The following COL25A1 variants were observed in gnomAD, a reference collection of about 807,000 sequenced individuals.
The protein encoded by COL25A1 is collagen type XXV alpha 1 chain.
A neutral mutation model predicts 128.4 loss-of-function variants in COL25A1; 103 were observed. That is an observed-to-expected ratio of 0.80 (90% CI 0.68 to 0.94). COL25A1 has a LOEUF of 0.94. Among genes scored for constraint, COL25A1 ranks in the 40% least tolerant of loss-of-function variants. The probability of loss-of-function intolerance (pLI) is 0.00; values close to 1 mark genes in which losing one functional copy is unlikely to be tolerated. For missense variants in COL25A1, 745 were observed against 840.0 expected, an observed-to-expected ratio of 0.89 and a Z score of 1.40; for synonymous variants, 279 against 277.2, an observed-to-expected ratio of 1.01 and a Z score of -0.06.
At chr4:108,867,397 C>T (rs576055681) in intron 20 of COL25A1, among the ~76,000 whole-genome samples, 7 of 152,352 alleles carry the variant, frequency 4.6e-5, no homozygotes, top group African/African-American at 1.7e-4. Flanking sequence ...TTTTCTTGCT[C>T]TCACTCTCTC....
At chr4:109,177,819 T>G (rs1183800096) in intron 3 of COL25A1, among the ~76,000 whole-genome samples, 1 of 152,204 alleles carries the variant, frequency 6.6e-6, no homozygotes, top group Non-Finnish European at 1.5e-5. Context: ...CCAGTTAAAT[T>G]TGCGTTTAGG....
intron 20 of COL25A1, among the ~76,000 whole-genome samples, chr4:108,865,561 C>T (rs767061974): frequency 2.0e-5 from 3 of 152,036 alleles, no homozygotes; most frequent in Admixed American, 6.6e-5. Context: ...ACCCCATTAC[C>T]CTGTTGAGTG....
Position 109,284,556 on chromosome 4 carries a change from G to C in COL25A1, c.367+16027C>G, listed in dbSNP as rs549669020. ...GCAATTCCAAAGGTGCTCATAAATA[G>C]ATTATTGGCAACTAAAAGAGAAAAA... On this transcript the variant is annotated intron_variant, in intron 3 of 37. Transcript: ENST00000399132. Among the ~76,000 whole-genome samples the C allele has an allele frequency of 1.4e-4, 22 of 152,274 alleles. No homozygotes were observed. In the South Asian group the frequency reaches 4.6e-3, roughly 32 times the overall value.
intron 6 of COL25A1, among the ~76,000 whole-genome samples, chr4:108,992,927 T>A (rs780378207): frequency 6.6e-6 from 1 of 152,166 alleles, no homozygotes; most frequent in African/African-American, 2.4e-5. Context: ...ATAAAAATTA[T>A]ATGCATTTTT....
At chr4:109,280,660 GT>G (rs374389512) in intron 3 of COL25A1, among the ~76,000 whole-genome samples, 30 of 147,258 alleles carry the variant, frequency 2.0e-4, no homozygotes, top group Admixed American at 1.7e-3. Flanking sequence ...GTTTTGTTTT[GT>G]TTTTTTTTTG....
chr4:109,167,857 T>C (rs1015711878), intron 3 of COL25A1, among the ~76,000 whole-genome samples: 3 of 152,104 alleles, frequency 2.0e-5, no homozygotes, highest in Non-Finnish European at 4.4e-5. Context: ...CACAAAAAAC[T>C]CATCTATAAT....
At chr4:108,922,652 C>T (rs531712680) in intron 11 of COL25A1, among the ~76,000 whole-genome samples, 2 of 152,256 alleles carry the variant, frequency 1.3e-5, no homozygotes, top group Admixed American at 1.3e-4. Flanking sequence ...TGACTAATCA[C>T]AACTCTGAAA....
chr4:108,917,772 T>C (rs368198534), intron 13 of COL25A1, among the ~76,000 whole-genome samples: 41 of 152,332 alleles, frequency 2.7e-4, no homozygotes, highest in African/African-American at 9.4e-4. Flanking sequence ...GTTCCTTCTA[T>C]GAGAATAACT....
At chr4:109,003,530 G>T (rs1755662846) in intron 6 of COL25A1, among the ~76,000 whole-genome samples, 1 of 152,330 alleles carries the variant, frequency 6.6e-6, no homozygotes, top group East Asian at 1.9e-4. Context: ...GCCGGGCATG[G>T]TGGCTCACGC....
chr4:109,065,908 C>A (rs184569666), intron 3 of COL25A1, among the ~76,000 whole-genome samples: 5 of 152,262 alleles, frequency 3.3e-5, no homozygotes, highest in African/African-American at 1.2e-4. Flanking sequence ...AAAGGTAGCA[C>A]ATAACTACCC....
intron 8 of COL25A1, chr4:108,942,401 A>G (rs1748221500): frequency 2.6e-6 from 2 of 758,270 alleles, no homozygotes; most frequent in Non-Finnish European, 4.4e-6. Context: ...CTCATCTGAC[A>G]TACCATAAAC....
chr4:109,299,856 C>G (rs1385961362), intron 3 of COL25A1, among the ~76,000 whole-genome samples: 1 of 152,068 alleles, frequency 6.6e-6, no homozygotes, highest in African/African-American at 2.4e-5. Flanking sequence ...CCTCAAAGGT[C>G]CATGAAGGAA....
At chr4:108,886,248 T>G (rs1740754033) in intron 18 of COL25A1, among the ~76,000 whole-genome samples, 6 of 152,200 alleles carry the variant, frequency 3.9e-5, no homozygotes. Context: ...TGTTACCCTT[T>G]GTGGAACATC....
chr4:109,062,005 T>C (rs1485201354), intron 3 of COL25A1, among the ~76,000 whole-genome samples: 1 of 152,212 alleles, frequency 6.6e-6, no homozygotes. Flanking sequence ...TAACACAGAA[T>C]TTTTAAAATT....
intron 3 of COL25A1, among the ~76,000 whole-genome samples, chr4:109,154,552 G>A (rs1771849266): frequency 6.6e-6 from 1 of 152,158 alleles, no homozygotes; most frequent in Non-Finnish European, 1.5e-5. Context: ...TCAGGTCTGT[G>A]GGGCACATAC....
intron 3 of COL25A1, among the ~76,000 whole-genome samples, chr4:109,088,771 T>C (rs1028137254): frequency 3.9e-5 from 6 of 152,210 alleles, no homozygotes; most frequent in African/African-American, 1.4e-4. Flanking sequence ...CATGTAACCA[T>C]TGAAGTTGGC....
At chr4:109,293,699 A>G (rs1220530205) in intron 3 of COL25A1, among the ~76,000 whole-genome samples, 1 of 152,152 alleles carries the variant, frequency 6.6e-6, no homozygotes, top group African/African-American at 2.4e-5. Flanking sequence ...CATCTACTAA[A>G]TATGACTTTA....
intron 8 of COL25A1, among the ~76,000 whole-genome samples, chr4:108,944,893 C>T (rs957355579): frequency 6.6e-6 from 1 of 152,066 alleles, no homozygotes; most frequent in African/African-American, 2.4e-5. Flanking sequence ...GTGTTTAGTG[C>T]TACATTTTAA....
intron 3 of COL25A1, among the ~76,000 whole-genome samples, chr4:109,173,830 T>C (rs1773814077): frequency 6.6e-6 from 1 of 151,298 alleles, no homozygotes; most frequent in African/African-American, 2.4e-5. Flanking sequence ...AGGATTTGTA[T>C]TTTTTTTTCT....
Sources: allele counts gnomAD v4.1 joint callset (sites outside exome capture counted in the v4.1 genomes callset), GRCh38; gene constraint gnomAD v4.1.1; transcripts MANE v1.5; gene names NCBI Gene and HGNC (gene_info 2026-07-23, HGNC 2026-07-21).